ITPKB: variants seen among roughly 807,000 people sequenced by gnomAD.
ITPKB encodes the protein IP3 3-kinase B.
In ITPKB, 13 loss-of-function variants were observed where a neutral mutation model predicts 69.4. The ratio of observed to expected loss-of-function variants is 0.19; its 90% CI spans 0.12 to 0.30. ITPKB has a LOEUF of 0.30. ITPKB is among the 10% of genes least tolerant of loss of function. The pLI, the probability that ITPKB is intolerant of heterozygous loss-of-function variation, is 1.00. For missense variants in ITPKB, 1,240 were observed against 1,250.5 expected (o/e 0.99, Z 0.13); for synonymous variants, 584 against 513.7 (o/e 1.14, Z -1.85).
intron 4 of ITPKB, among the ~76,000 whole-genome samples, chr1:226,644,436 A>G (rs1423517830): frequency 7.6e-4 from 116 of 152,212 alleles, no homozygotes; most frequent in Non-Finnish European, 2.5e-4. Context: ...GGGAGCCAAC[A>G]GGTGGCAGGC....
rs145346217 is a variant in ITPKB, at chr1:226,696,479, A to G, written c.1932+39048T>C. Among the ~76,000 whole-genome samples the G allele has an allele frequency of 2.2e-3, 334 of 152,284 alleles. 3 individuals are homozygous for G. The highest frequency in any genetic ancestry group is 7.7e-3 in the African/African-American group (318 of 41,542). On this transcript the variant is annotated intron_variant, in intron 2 of 7. Transcript: ENST00000429204. ...TTGGACACCGGCTTCCACTTCCGAC[A>G]AGGCCAAAACTTAGAGACGAAATGG...
chr1:226,718,560 C>T (rs1657152306), intron 2 of ITPKB, among the ~76,000 whole-genome samples: 1 of 152,036 alleles, frequency 6.6e-6, no homozygotes, highest in African/African-American at 2.4e-5. Context: ...ATGATTGCCC[C>T]CTGCACCCCA....
At chr1:226,639,233 T>C (rs1010858997) in intron 6 of ITPKB, among the ~76,000 whole-genome samples, 8 of 152,124 alleles carry the variant, frequency 5.3e-5, no homozygotes, top group Admixed American at 1.3e-4. Flanking sequence ...AATTTTTGTG[T>C]TTTTAGTAAA....
Position 226,637,953 on chromosome 1 carries a change from G to A in ITPKB, c.2554-203C>T, listed in dbSNP as rs1668875086. 6.6e-6 allele frequency among the ~76,000 whole-genome samples: 1 copy of A among 152,206 alleles called. No individual in the cohort carries two copies. On this transcript the variant is annotated intron_variant, in intron 6 of 7. Transcript: ENST00000429204. This position sits in a 1 kb window ranked among gnomAD's most constrained non-coding sequence, Gnocchi z 4.3. ...GTACCTTTGACTTTTGAAAGGACAG[G>A]GTAAGAGAGAGAACCACAAATATCT...
intron 2 of ITPKB, among the ~76,000 whole-genome samples, chr1:226,706,061 G>GT (rs1250543266): frequency 2.0e-5 from 3 of 152,230 alleles, no homozygotes; most frequent in African/African-American, 2.4e-5. Flanking sequence ...GCAGAGGCTA[G>GT]TATCTGCTGG....
At chr1:226,639,710 A>C in intron 5 of ITPKB, 52 bp from the exon 6 acceptor site, 1 of 1,247,314 alleles carries the variant, frequency 8.0e-7, no homozygotes, top group Non-Finnish European at 1.2e-6. Context: ...ACCCTCGGGC[A>C]GAAACTGTTC....
chr1:226,659,139 C>T (rs1412479006), intron 2 of ITPKB, among the ~76,000 whole-genome samples: 1 of 152,176 alleles, frequency 6.6e-6, no homozygotes, highest in Non-Finnish European at 1.5e-5. Context: ...GCCCAGCTGT[C>T]TCCTGATTAG....
At chr1:226,670,079 G>A (rs561080358) in intron 2 of ITPKB, among the ~76,000 whole-genome samples, 44 of 140,408 alleles carry the variant, frequency 3.1e-4, no homozygotes, top group Non-Finnish European at 5.7e-4. Flanking sequence ...TTCACTACTT[G>A]CCTCAGCTGG....
intron 2 of ITPKB, chr1:226,675,007 CTGCGTT>C (rs1370013354): frequency 6.6e-6 from 1 of 151,998 alleles, no homozygotes; most frequent in Admixed American, 6.6e-5. Flanking sequence ...TCCACGAGAA[CTGCGTT>C]TGACCTCTGT....
rs775818400 is a variant in ITPKB, at chr1:226,736,674, G to A, written c.785C>T (p.Pro262Leu). The change falls in exon 2 of 8, where the codon CCT becomes CTT. Residue 262 changes from proline to leucine, a missense_variant. By Grantham distance (98) the Pro-to-Leu change is moderately conservative. Around this residue, in one of 2 missense-constraint regions of ITPKB, gnomAD observed 992 missense variants for 853.8 expected, o/e 1.16. Coordinates refer to ENST00000429204, the MANE Select transcript of ITPKB (RefSeq NM_002221.4). ...GGGTGAGCCACAGCGGGGACTGGCA[G>A]GGATACCCTTCTCCATCCTTACAAA... The part of the protein sequence containing the change: ...SAFVRMEKGI[P>L]ASPRCGSPTA... The A allele has an allele frequency of 3.7e-6, 6 of 1,613,250 alleles. No individual in the cohort carries two copies. The highest frequency in any genetic ancestry group is 1.7e-5 in the Admixed American group (1 of 60,030).
intron 2 of ITPKB, among the ~76,000 whole-genome samples, chr1:226,694,759 T>C (rs942352087): frequency 6.6e-6 from 1 of 152,204 alleles, no homozygotes; most frequent in African/African-American, 2.4e-5. Flanking sequence ...CCCTTACAGT[T>C]GTGACAACCA....
At chr1:226,703,965 A>C (rs1256001526) in intron 2 of ITPKB, among the ~76,000 whole-genome samples, 1 of 152,206 alleles carries the variant, frequency 6.6e-6, no homozygotes, top group Non-Finnish European at 1.5e-5. Context: ...GCTAATAAAA[A>C]AAAAATCTTC....
intron 2 of ITPKB, among the ~76,000 whole-genome samples, chr1:226,729,625 C>G (rs1247342478): frequency 1.3e-5 from 2 of 151,914 alleles, no homozygotes; most frequent in East Asian, 3.9e-4. Flanking sequence ...GTCACCCAGG[C>G]TGGAGTGCAA....
Position 226,644,411 on chromosome 1 carries a change from A to G in ITPKB, c.2247-2286T>C, listed in dbSNP as rs190493842. ...ATCAGGTGGAGGAAGTGCTCCTTTG[A>G]GACAGGCCAGCCCAGGGAGCCAACA... On this transcript the variant is annotated intron_variant, in intron 4 of 7. Coordinates refer to ENST00000429204, the MANE Select transcript of ITPKB (RefSeq NM_002221.4). 9.1e-3 allele frequency among the ~76,000 whole-genome samples: 1,385 copies of G among 152,324 alleles called. 25 individuals carry two copies. The highest frequency in any genetic ancestry group is 0.032 in the African/African-American group (1,322 of 41,576).
chr1:226,672,437 T>G lies in ITPKB; in HGVS notation c.1933-23666A>C, dbSNP rs191889126. On this transcript the variant is annotated intron_variant, in intron 2 of 7. Coordinates refer to ENST00000429204, the MANE Select transcript of ITPKB (RefSeq NM_002221.4). Reference sequence around the variant, plus strand: ...GGAGGATTCCTGTCAAACAACTTTGTATCAGCCCACTTCCTTGTTCCTTTT... The same window carrying G: ...GGAGGATTCCTGTCAAACAACTTTGGATCAGCCCACTTCCTTGTTCCTTTT... Among the ~76,000 whole-genome samples the G allele has an allele frequency of 1.7e-3, 256 of 152,376 alleles. 2 individuals carry two copies. Among genetic ancestry groups the G allele is most frequent in the African/African-American group, 6.0e-3 (249 of 41,594 alleles).
rs557834952 is a variant in ITPKB at position 226,648,182 on chromosome 1, G to A, written c.2032+490C>T. On this transcript the variant is annotated intron_variant, in intron 3 of 7. Transcript: ENST00000429204. The stretch of plus-strand genomic sequence containing the variant: ...CCTGCAGTTATGGGGTGGCTTGGCC[G>A]CATCTTCCACCAGCTGCAGGCTCCC... 3.1e-4 allele frequency among the ~76,000 whole-genome samples: 47 copies of A among 152,298 alleles called. 1 individual carries two copies. In the South Asian group the frequency reaches 5.6e-3, roughly 18 times the overall value.
At chr1:226,729,726 G>A (rs1410488177) in intron 2 of ITPKB, among the ~76,000 whole-genome samples, 1 of 151,602 alleles carries the variant, frequency 6.6e-6, no homozygotes, top group Non-Finnish European at 1.5e-5. Flanking sequence ...TTACAGGTGT[G>A]TGCCACCATG....
intron 2 of ITPKB, among the ~76,000 whole-genome samples, chr1:226,660,657 A>T (rs905034183): frequency 6.6e-6 from 1 of 151,626 alleles, no homozygotes; most frequent in Non-Finnish European, 1.5e-5. Context: ...AGCTCACACC[A>T]GGGGCCTCGC....
intron 2 of ITPKB, among the ~76,000 whole-genome samples, chr1:226,684,220 C>T (rs1044862565): frequency 6.6e-5 from 10 of 152,114 alleles, no homozygotes; most frequent in African/African-American, 9.7e-5. Context: ...TGTTACCAGA[C>T]GGATATGTGA....
Sources: gnomAD v4.1 joint callset for allele counts (sites outside exome capture counted in the v4.1 genomes callset) on GRCh38, gnomAD v4.1.1 for gene constraint, gnomAD v4.1.1 regional missense constraint, Gnocchi (gnomAD v3.1) non-coding constraint, MANE v1.5 for transcripts, NCBI Gene and HGNC (gene_info 2026-07-23, HGNC 2026-07-21) for gene names.